Variants in PJA2 observed in about 807,000 individuals in gnomAD.
PJA2 encodes E3 ubiquitin-protein ligase Praja-2.
In PJA2, 25 loss-of-function variants were observed where a neutral mutation model predicts 69.3. The ratio of observed to expected loss-of-function variants is 0.36; its 90% CI spans 0.26 to 0.50. The LOEUF (loss-of-function observed/expected upper bound fraction) is 0.50. PJA2 is among the 20% of genes least tolerant of loss of function. The pLI is 0.96. For synonymous variants in PJA2, 308 were observed against 277.8 expected (o/e 1.11, Z -1.08); for missense variants, 809 against 830.2 (o/e 0.97, Z 0.31).
chr5:109,365,197 A>G (rs574086408), intron 5 of PJA2, among the ~76,000 whole-genome samples: 1 of 152,224 alleles, frequency 6.6e-6, no homozygotes, highest in South Asian at 2.1e-4. Flanking sequence ...ACAATAGCCA[A>G]AACTGTCCAC....
chr5:109,342,816 T>G (rs1582581390), intron 9 of PJA2, among the ~76,000 whole-genome samples: 1 of 74,324 alleles, frequency 1.3e-5, no homozygotes, highest in African/African-American at 5.9e-5. Flanking sequence ...AGCCGCCCCG[T>G]CCGGGAGGGA....
rs1170065719 is a variant in PJA2, at chr5:109,344,790, T to A, written c.1794A>T (p.Ala598=). ...ETALAHLESL[A]VDVEVANPPA... is the part of the protein sequence containing the mutation. ...GTGGATTGGCCACCTCAACATCCAC[T>A]GCAAGAGACTCTAAATGGGCCAGAG... The change falls in exon 8 of 10, where the codon GCA becomes GCT. Residue 598 remains alanine (A), a synonymous_variant. Coordinates refer to ENST00000361189, the MANE Select transcript of PJA2 (RefSeq NM_014819.5). 11 of 1,613,994 alleles carry A rather than the reference T, an allele frequency of 6.8e-6. No homozygotes were observed. Among genetic ancestry groups the A allele is most frequent in the African/African-American group, 1.3e-5 (1 of 75,062 alleles).
intron 5 of PJA2, among the ~76,000 whole-genome samples, chr5:109,366,977 C>T (rs2127000771): frequency 6.6e-6 from 1 of 151,744 alleles, no homozygotes; most frequent in African/African-American, 2.4e-5. Context: ...ACTAAATATA[C>T]AAAAATTAGC....
intron 6 of PJA2, among the ~76,000 whole-genome samples, chr5:109,360,351 T>C (rs765407114): frequency 5.7e-4 from 87 of 152,326 alleles, no homozygotes; most frequent in Admixed American, 9.8e-4. Context: ...TGAACACTAA[T>C]GCAACTTCAA....
At chr5:109,369,262 C>CG (rs1273674531) in intron 4 of PJA2, among the ~76,000 whole-genome samples, 1 of 152,090 alleles carries the variant, frequency 6.6e-6, no homozygotes, top group Non-Finnish European at 1.5e-5. Flanking sequence ...AGTGGAGTGT[C>CG]GATGCCACAT....
At chr5:109,348,840 C>A (rs1171883589) in intron 7 of PJA2, among the ~76,000 whole-genome samples, 1 of 152,150 alleles carries the variant, frequency 6.6e-6, no homozygotes, top group Non-Finnish European at 1.5e-5. Context: ...AAATACAGAA[C>A]AAGGATTAGT....
chr5:109,345,525 A>C (rs1300316180), intron 7 of PJA2, among the ~76,000 whole-genome samples: 6 of 151,710 alleles, frequency 4.0e-5, no homozygotes, highest in African/African-American at 1.5e-4. Context: ...AAAAAAAAAA[A>C]AAAAAAAAAC....
chr5:109,343,273 C>CAAAA (rs869033444), intron 9 of PJA2, among the ~76,000 whole-genome samples: 24 of 19,236 alleles, frequency 1.2e-3, no homozygotes, highest in East Asian at 2.7e-3. Context: ...AAGGGCGGTG[C>CAAAA]AAAAAAAAAA....
chr5:109,366,752 G>A (rs561683741), intron 5 of PJA2, among the ~76,000 whole-genome samples: 1 of 152,272 alleles, frequency 6.6e-6, no homozygotes, highest in Admixed American at 6.5e-5. Context: ...ATAAATATTT[G>A]CTGAGTGAAT....
At position 109,378,479 on chromosome 5, in the gene PJA2, A is replaced by C; in HGVS notation, c.1008T>G (p.His336Gln). The C allele has an allele frequency of 6.2e-7, 1 of 1,614,146 alleles. No homozygotes were observed. The highest frequency in any genetic ancestry group is 1.1e-5 in the South Asian group (1 of 91,072). Reference sequence around the variant, plus strand: ...TTTGAACACTTCTTTGTTTCGCCTCATGCCTATTAAAACCTGTTTCTTGGT... The same window carrying C: ...TTTGAACACTTCTTTGTTTCGCCTCCTGCCTATTAAAACCTGTTTCTTGGT... ...QVDQETGFNRHEAKQRSVQRW... is the reference protein window; with the variant it reads ...QVDQETGFNRQEAKQRSVQRW... Residue 336 changes from histidine to glutamine, a missense_variant, in exon 4 of 10, where the codon CAT (histidine) becomes CAG (glutamine). Coordinates refer to ENST00000361189, the MANE Select transcript of PJA2 (RefSeq NM_014819.5).
At chr5:109,360,660 T>A (rs1267013579) in intron 6 of PJA2, among the ~76,000 whole-genome samples, 1 of 152,162 alleles carries the variant, frequency 6.6e-6, no homozygotes, top group African/African-American at 2.4e-5. Flanking sequence ...CTTCAAAATT[T>A]GTGTCTTAAA....
intron 1 of PJA2, among the ~76,000 whole-genome samples, chr5:109,403,854 G>A (rs138190998): frequency 8.4e-4 from 127 of 151,016 alleles, no homozygotes; most frequent in African/African-American, 2.5e-3. Context: ...GGCAGATCAC[G>A]AGGTGAGGAG....
At chr5:109,353,774 A>C (rs1365830302) in intron 7 of PJA2, among the ~76,000 whole-genome samples, 2 of 139,466 alleles carry the variant, frequency 1.4e-5, no homozygotes, top group Admixed American at 7.2e-5. Flanking sequence ...AGAGATATCT[A>C]TAGATTAGAT....
chr5:109,394,108 C>T (rs2914714), intron 1 of PJA2, among the ~76,000 whole-genome samples: 78,109 of 142,262 alleles, frequency 0.55, 22,494 homozygotes, highest in Middle Eastern at 0.66. Context: ...TGTGCAGTAG[C>T]GCAATCTTGG....
Position 109,337,202 on chromosome 5 carries a change from T to C in PJA2, c.*29A>G. 8.7e-6 allele frequency: 14 copies of C among 1,605,930 alleles called. No individual in the cohort carries two copies. Among genetic ancestry groups the C allele is most frequent in the Non-Finnish European group, 1.2e-5 (14 of 1,176,798 alleles). ...GAAGGAATTTGCAGATTTACTTTGA[T>C]ACACTGATCTCATTTCAACTGTCAA... On this transcript the variant is annotated 3_prime_UTR_variant, in exon 10 of 10. Coordinates refer to ENST00000361189, the MANE Select transcript of PJA2 (RefSeq NM_014819.5).
intron 1 of PJA2, among the ~76,000 whole-genome samples, chr5:109,402,560 C>T (rs2963009): frequency 0.21 from 31,959 of 152,004 alleles, 4,055 homozygotes; most frequent in Middle Eastern, 0.31. Context: ...GAGAAATAAA[C>T]AAACTTACCA....
At chr5:109,381,909 G>A (rs1747058984) in intron 2 of PJA2, among the ~76,000 whole-genome samples, 1 of 152,008 alleles carries the variant, frequency 6.6e-6, no homozygotes, top group Admixed American at 6.6e-5. Flanking sequence ...AGAGTTAGTG[G>A]CCTTTTCCCT....
At chr5:109,362,651 G>C (rs975518658) in intron 6 of PJA2, among the ~76,000 whole-genome samples, 189 bp downstream of exon 6, 5 of 152,184 alleles carry the variant, frequency 3.3e-5, no homozygotes, top group Admixed American at 1.3e-4. Context: ...CAAAGGAAGA[G>C]GTCACTGACT....
rs1356979738 is a variant in PJA2 at position 109,340,838 on chromosome 5, C to T, written c.2001+3352G>A. On this transcript the variant is annotated intron_variant, in intron 9 of 9. Transcript: ENST00000361189. The stretch of plus-strand genomic sequence containing the variant: ...ACTGGTTTTGGTGGAGATGGGGTTT[C>T]GCTGTGTTGGCCGGGCCGGTCTCCA... Among the ~76,000 whole-genome samples the T allele has an allele frequency of 6.7e-5, 7 of 104,736 alleles. 1 individual carries two copies. Among genetic ancestry groups the T allele is most frequent in the Admixed American group, 2.9e-4 (3 of 10,474 alleles). The allele number at this position is 104,736 out of a possible 152,430, so 68.7% of individuals were successfully genotyped here.
Sources: allele counts gnomAD v4.1 joint callset (sites outside exome capture counted in the v4.1 genomes callset), GRCh38; gene constraint gnomAD v4.1.1; transcripts MANE v1.5; gene names NCBI Gene and HGNC (gene_info 2026-07-23, HGNC 2026-07-21).